Variants in PPIP5K1 observed in about 807,000 individuals in gnomAD.
PPIP5K1 encodes the protein inositol hexakisphosphate and diphosphoinositol-pentakisphosphate kinase 1.
PPIP5K1 carries 6 observed loss-of-function variants against 27.7 expected under a neutral mutation model. The ratio of observed to expected loss-of-function variants is 0.22; its 90% CI spans 0.12 to 0.43. The LOEUF is 0.43. Ranked by LOEUF, PPIP5K1 falls within the 20% of genes least tolerant of loss-of-function variation. The probability of loss-of-function intolerance (pLI) is 1.00; values close to 1 mark genes in which losing one functional copy is unlikely to be tolerated. For missense variants in PPIP5K1, 394 were observed against 635.4 expected, an observed-to-expected ratio of 0.62 and a Z score of 4.08; for synonymous variants, 145 against 242.6, an observed-to-expected ratio of 0.60 and a Z score of 3.74.
intron 30 of PPIP5K1, among the ~76,000 whole-genome samples, chr15:43,553,838 A>G (rs2439843): frequency 0.45 from 67,777 of 151,294 alleles, 19,367 homozygotes; most frequent in African/African-American, 0.82. Context: ...GTAGAGATGG[A>G]GTTTCACCAT....
At chr15:43,559,712 G>T (rs2083531245) in intron 29 of PPIP5K1, among the ~76,000 whole-genome samples, 2 of 151,808 alleles carry the variant, frequency 1.3e-5, no homozygotes, top group African/African-American at 4.8e-5. Context: ...CTATCAGTCT[G>T]GGTAGGGTCA....
intron 30 of PPIP5K1, among the ~76,000 whole-genome samples, chr15:43,556,062 G>C (rs2141019899): frequency 6.6e-6 from 1 of 152,242 alleles, no homozygotes; most frequent in East Asian, 1.9e-4. Flanking sequence ...ACTCATGCCT[G>C]TAATCCCAGC....
chr15:43,551,670 T>C (rs2082220603), intron 30 of PPIP5K1, among the ~76,000 whole-genome samples: 1 of 119,122 alleles, frequency 8.4e-6, no homozygotes, highest in East Asian at 2.7e-4. Flanking sequence ...TGGCGGGATC[T>C]CGGCTCACTG....
rs777545279 is a variant in PPIP5K1 at position 43,558,804 on chromosome 15, C to T, written c.3547G>A (p.Ala1183Thr). 2.5e-6 allele frequency: 4 copies of T among 1,613,986 alleles called. No homozygotes were observed. Among genetic ancestry groups the T allele is most frequent in the Admixed American group, 3.3e-5 (2 of 60,026 alleles). Residue 1183 changes from alanine to threonine, a missense_variant, in exon 30 of 32, where the codon GCA becomes ACA. Ala to Thr is a moderately conservative substitution (Grantham distance 58). Coordinates refer to ENST00000420765, the MANE Select transcript of PPIP5K1 (RefSeq NM_001394395.1). ...ATAAGAATATCCCTACCTGCAGATG[C>T]CTGTGCCTGGGCATCAGTGTGGCGC... ...CQRHTDAQAQ[A>T]SAALFDSMHS...
At chr15:43,552,948 T>C (rs1282584902) in intron 30 of PPIP5K1, among the ~76,000 whole-genome samples, 2 of 151,662 alleles carry the variant, frequency 1.3e-5, no homozygotes, top group African/African-American at 4.8e-5. Flanking sequence ...GAGGCTGAGG[T>C]GGGGAATCGC....
chr15:43,552,521 G>A (rs1333887309), intron 30 of PPIP5K1, among the ~76,000 whole-genome samples: 4 of 120,850 alleles, frequency 3.3e-5, no homozygotes, highest in Admixed American at 1.9e-4. Flanking sequence ...GTGAAACTCT[G>A]TCTCTATAAA....
chr15:43,550,734 G>T (rs965032897), intron 30 of PPIP5K1, among the ~76,000 whole-genome samples: 2 of 152,132 alleles, frequency 1.3e-5, no homozygotes, highest in Non-Finnish European at 2.9e-5. Context: ...TATGATGTGT[G>T]CTTTGGCTTT....
chr15:43,540,761 G>A (rs1019954673), intron 30 of PPIP5K1, among the ~76,000 whole-genome samples: 2 of 150,326 alleles, frequency 1.3e-5, no homozygotes, highest in Non-Finnish European at 2.9e-5. Context: ...TTGGGAGGCT[G>A]AGGCATGAGA....
At position 43,553,211 on chromosome 15, in the gene PPIP5K1, A is replaced by G. The variant is rs112659072; in HGVS notation, c.3556+5584T>C. ...TGTTTTGTGGCCTAACATATGGTCT[A>G]TCCTGGAGGATATTTCATGTACATG... On this transcript the variant is annotated intron_variant, in intron 30 of 31. Coordinates refer to ENST00000420765, the MANE Select transcript of PPIP5K1 (RefSeq NM_001394395.1). 3.5e-3 allele frequency among the ~76,000 whole-genome samples: 532 copies of G among 152,284 alleles called. 2 individuals are homozygous for G. The highest frequency in any genetic ancestry group is 5.6e-3 in the Non-Finnish European group (381 of 68,028).
chr15:43,554,524 AT>A (rs1251797872), intron 30 of PPIP5K1, among the ~76,000 whole-genome samples: 2 of 151,802 alleles, frequency 1.3e-5, no homozygotes, highest in Non-Finnish European at 2.9e-5. Context: ...TTTGGTTACT[AT>A]TTGCACAGAA....
At chr15:43,579,441 C>A (rs1246659308) in intron 10 of PPIP5K1, among the ~76,000 whole-genome samples, 1 of 112,742 alleles carries the variant, frequency 8.9e-6, no homozygotes, top group Non-Finnish European at 1.6e-5. Flanking sequence ...TACATACACA[C>A]ACGTATGTGT....
chr15:43,535,469 A>G lies in PPIP5K1; in HGVS notation c.3678T>C (p.Ser1226=), dbSNP rs746797404. 1 of 1,565,810 alleles carries G rather than the reference A, an allele frequency of 6.4e-7. No homozygotes were observed. The highest frequency in any genetic ancestry group is 1.2e-5 in the South Asian group (1 of 82,146). ...CACTGGACACAGTGCTAGAAGGGCC[A>G]CTGCTGTCTGTAAAGCAAAGTCAAG... ...QRSEKPPWYS[S]GPSSTVSSAG... is the part of the protein sequence containing the mutation. Residue 1226 remains serine (S), a synonymous_variant, in exon 32 of 32, where the codon AGT becomes AGC. Transcript: ENST00000420765.
At chr15:43,543,304 T>C (rs1335386797) in intron 30 of PPIP5K1, among the ~76,000 whole-genome samples, 1 of 149,752 alleles carries the variant, frequency 6.7e-6, no homozygotes, top group Non-Finnish European at 1.5e-5. Context: ...TTAGGAGATA[T>C]ACCTAATGCT....
chr15:43,545,816 T>C (rs2081304860), intron 30 of PPIP5K1, among the ~76,000 whole-genome samples: 1 of 152,210 alleles, frequency 6.6e-6, no homozygotes, highest in Non-Finnish European at 1.5e-5. Flanking sequence ...GTTAGCCATC[T>C]TAAATTGTAT....
In PPIP5K1 at chr15:43,534,640, G is replaced by A; in HGVS notation, c.*34C>T. 6.7e-7 allele frequency: 1 copy of A among 1,496,558 alleles called. No homozygotes were observed. Among genetic ancestry groups the A allele is most frequent in the Non-Finnish European group, 8.9e-7 (1 of 1,120,814 alleles). The allele number at this position is 1,496,558 out of a possible 1,614,324, so 92.7% of individuals were successfully genotyped here. ...GCTTGAGGAATACCCTCTCCAGGCAGCTGATCAATCACTTCAGGGACCACC... is the reference window on the plus strand; with the variant it reads ...GCTTGAGGAATACCCTCTCCAGGCAACTGATCAATCACTTCAGGGACCACC... On this transcript the variant is annotated 3_prime_UTR_variant, in exon 32 of 32. Transcript: ENST00000420765.
At chr15:43,550,048 C>T (rs915660231) in intron 30 of PPIP5K1, among the ~76,000 whole-genome samples, 1 of 152,154 alleles carries the variant, frequency 6.6e-6, no homozygotes, top group Admixed American at 6.6e-5. Context: ...TCAAATGATC[C>T]TCCCGCCTTA....
chr15:43,556,072 C>A (rs951265621), intron 30 of PPIP5K1, among the ~76,000 whole-genome samples: 1 of 152,034 alleles, frequency 6.6e-6, no homozygotes, highest in African/African-American at 2.4e-5. Context: ...GTAATCCCAG[C>A]ACTTTGGGAG....
intron 30 of PPIP5K1, among the ~76,000 whole-genome samples, chr15:43,539,926 G>A (rs2080440554): frequency 6.6e-6 from 1 of 152,146 alleles, no homozygotes. Context: ...TATGAAACAT[G>A]TCACCTCTAA....
At chr15:43,552,401 T>A (rs542631513) in intron 30 of PPIP5K1, among the ~76,000 whole-genome samples, 1 of 151,888 alleles carries the variant, frequency 6.6e-6, no homozygotes, top group Admixed American at 6.6e-5. Context: ...TTCGACTCAT[T>A]TGTCATTTAA....
Sources: allele counts gnomAD v4.1 joint callset (sites outside exome capture counted in the v4.1 genomes callset), GRCh38; gene constraint gnomAD v4.1.1; transcripts MANE v1.5; gene names NCBI Gene and HGNC (gene_info 2026-07-23, HGNC 2026-07-21).